The following FOCAD variants were observed in gnomAD, a reference collection of about 807,000 sequenced individuals.
The protein encoded by FOCAD is focadhesin.
FOCAD carries 198 observed loss-of-function variants against 225.6 expected under a neutral mutation model. The ratio of observed to expected loss-of-function variants is 0.88; its 90% confidence interval spans 0.78 to 0.99. The LOEUF (loss-of-function observed/expected upper bound fraction) is 0.99. FOCAD is among the 50% of genes least tolerant of loss of function. The probability of loss-of-function intolerance (pLI) is 0.00; values close to 1 mark genes in which losing one functional copy is unlikely to be tolerated. For synonymous variants in FOCAD, 897 were observed against 755.0 expected, an observed-to-expected ratio of 1.19 and a Z score of -3.08; for missense variants, 2,713 against 2,123.6, an observed-to-expected ratio of 1.28 and a Z score of -5.46.
intron 2 of FOCAD, chr9:20,658,878 G>T (rs1003364572): frequency 2.0e-5 from 3 of 152,412 alleles, no homozygotes; most frequent in African/African-American, 7.2e-5. Context: ...CTATGCTGAA[G>T]TTCCAACCCC....
At chr9:20,965,713 C>A (rs1839196290) in intron 35 of FOCAD, among the ~76,000 whole-genome samples, 1 of 152,158 alleles carries the variant, frequency 6.6e-6, no homozygotes, top group African/African-American at 2.4e-5. Context: ...AAGATCCTAG[C>A]AACCAATAAT....
intron 36 of FOCAD, 33 bp downstream of exon 36, chr9:20,976,581 T>C (rs139797354): frequency 6.2e-7 from 1 of 1,604,528 alleles, no homozygotes; most frequent in Non-Finnish European, 8.5e-7. Flanking sequence ...TCTTCAGACT[T>C]TGATTTTAGT....
chr9:20,980,883 A>C (rs1463507047), intron 37 of FOCAD, among the ~76,000 whole-genome samples: 1 of 152,172 alleles, frequency 6.6e-6, no homozygotes, highest in Non-Finnish European at 1.5e-5. Flanking sequence ...ATGAACTCTA[A>C]GGTGCCTGGT....
chr9:20,697,846 T>C (rs2131381123), intron 1 of FOCAD, among the ~76,000 whole-genome samples: 1 of 152,392 alleles, frequency 6.6e-6, no homozygotes, highest in East Asian at 1.9e-4. Context: ...GAACACTTGA[T>C]GTTTTTCTCA....
chr9:20,712,385 C>A (rs148154735), intron 1 of FOCAD, among the ~76,000 whole-genome samples: 2 of 152,266 alleles, frequency 1.3e-5, no homozygotes, highest in East Asian at 3.9e-4. Flanking sequence ...TCAAGCTGGG[C>A]ATGGTGGCTC....
intron 27 of FOCAD, among the ~76,000 whole-genome samples, chr9:20,932,151 G>T (rs1045579945): frequency 1.3e-5 from 2 of 152,146 alleles, no homozygotes; most frequent in African/African-American, 4.8e-5. Context: ...TTTAGTTAAA[G>T]CTATTAAGTC....
intron 13 of FOCAD, 144 bp downstream of exon 13, chr9:20,820,569 G>A: frequency 1.6e-6 from 1 of 635,026 alleles, no homozygotes; most frequent in Non-Finnish European, 2.6e-6. Flanking sequence ...TTGATTTATT[G>A]TGATGCATTT....
Position 20,866,917 on chromosome 9 carries a change from T to TTTTTTTTAA in FOCAD, c.2107-12_2107-11insTTTTTTTAA. 1 of 764,972 alleles carries TTTTTTTTAA rather than the reference T, an allele frequency of 1.3e-6. No individual in the cohort carries two copies. Among genetic ancestry groups the TTTTTTTTAA allele is most frequent in the African/African-American group, 2.0e-5 (1 of 48,872 alleles). 47.4% of individuals were successfully genotyped at this position (764,972 alleles called of 1,614,324 possible). On this transcript the variant is annotated splice_polypyrimidine_tract_variant and intron_variant, in intron 17 of 43. Transcript: ENST00000338382. ...TTTTTTTTTTTTTTTTTTTTTTTTT[T>TTTTTTTTAA]ACCCTATCTAGGACCCAATTGTAGC...
intron 17 of FOCAD, 35 bp from the exon 18 acceptor site, chr9:20,866,888 CTTTTTT>C (rs10629839): frequency 2.1e-3 from 705 of 341,390 alleles, no homozygotes; most frequent in African/African-American, 5.2e-3. Flanking sequence ...TGTTTGCTTG[CTTTTTT>C]TTTTTTTTTT....
chr9:20,845,442 G>GAT (rs3086547), intron 15 of FOCAD, among the ~76,000 whole-genome samples: 2,590 of 121,196 alleles, frequency 0.021, 102 homozygotes, highest in African/African-American at 0.058. Context: ...TCTTTTCCTC[G>GAT]ATATATATAT....
intron 15 of FOCAD, among the ~76,000 whole-genome samples, chr9:20,846,134 T>C (rs193255801): frequency 9.2e-5 from 14 of 152,260 alleles, no homozygotes; most frequent in East Asian, 1.9e-4. Flanking sequence ...TCAGTCATTA[T>C]GTTGGAGAGC....
At chr9:20,766,176 G>T (rs956933222) in intron 7 of FOCAD, among the ~76,000 whole-genome samples, 5 of 152,238 alleles carry the variant, frequency 3.3e-5, no homozygotes, top group Non-Finnish European at 5.9e-5. Flanking sequence ...AACCTGTGTT[G>T]ACAGGCTTAA....
intron 5 of FOCAD, 57 bp downstream of exon 5, chr9:20,740,397 A>C (rs1381876108): frequency 3.1e-6 from 3 of 960,092 alleles, no homozygotes; most frequent in Admixed American, 4.2e-5. Context: ...TGAAATTATT[A>C]ACTGTGACAT....
intron 15 of FOCAD, among the ~76,000 whole-genome samples, chr9:20,845,442 G>GATATATATATATATAT (rs3086547): frequency 0.028 from 3,408 of 120,920 alleles, 96 homozygotes; most frequent in East Asian, 0.085. Context: ...TCTTTTCCTC[G>GATATATATATATATAT]ATATATATAT....
At chr9:20,759,403 C>T (rs867296775) in intron 6 of FOCAD, among the ~76,000 whole-genome samples, 18 of 152,210 alleles carry the variant, frequency 1.2e-4, no homozygotes, top group Middle Eastern at 6.8e-3. Flanking sequence ...TCAGAAATAA[C>T]GCCGCATATC....
At chr9:20,672,489 C>T (rs1268324980) in intron 2 of FOCAD, among the ~76,000 whole-genome samples, 5 of 152,282 alleles carry the variant, frequency 3.3e-5, no homozygotes, top group Admixed American at 6.5e-5. Flanking sequence ...CTCACTCTGT[C>T]GCCCAGGCTG....
intron 1 of FOCAD, among the ~76,000 whole-genome samples, chr9:20,698,967 T>C (rs768573519): frequency 2.0e-5 from 3 of 152,188 alleles, no homozygotes; most frequent in Non-Finnish European, 4.4e-5. Flanking sequence ...AAGTGTCAGA[T>C]AGTAAGATCA....
rs375590762 is a variant in FOCAD, at chr9:20,701,153, T to C, written c.-32-14169T>C. Among the ~76,000 whole-genome samples, 6 of 152,350 alleles carry C rather than the reference T, an allele frequency of 3.9e-5. No homozygotes were observed. The South Asian group carries it at 6.2e-4, about 16-fold the overall frequency. ...TGTCCTCTCAAACCATATCCTCATA[T>C]TCCCTCTGCCTGGAATGTGATGCCA... On this transcript the variant is annotated intron_variant, in intron 1 of 43. Transcript: ENST00000338382.
intron 9 of FOCAD, among the ~76,000 whole-genome samples, chr9:20,780,764 C>G (rs1819281714): frequency 1.3e-5 from 2 of 152,078 alleles, no homozygotes; most frequent in African/African-American, 4.8e-5. Flanking sequence ...CTATTATATT[C>G]ATTTCCTGTT....
Sources: allele counts gnomAD v4.1 joint callset (sites outside exome capture counted in the v4.1 genomes callset), GRCh38; gene constraint gnomAD v4.1.1; transcripts MANE v1.5; gene names NCBI Gene and HGNC (gene_info 2026-07-23, HGNC 2026-07-21).